PELI3: variants seen among roughly 807,000 people sequenced by gnomAD.
PELI3 encodes the protein pellino E3 ubiquitin protein ligase family member 3.
PELI3 carries 19 observed loss-of-function variants against 35.5 expected under a neutral mutation model. The ratio of observed to expected loss-of-function variants is 0.54; its 90% CI spans 0.37 to 0.79. PELI3 has a LOEUF of 0.79. Among genes scored for constraint, PELI3 ranks in the 30% least tolerant of loss-of-function variants. The pLI is 0.00. For missense variants in PELI3, 490 were observed against 661.2 expected (o/e 0.74, Z 2.84); for synonymous variants, 262 against 279.2 (o/e 0.94, Z 0.62).
chr11:66,471,942 C>T (rs1192518549), intron 4 of PELI3, among the ~76,000 whole-genome samples: 1 of 152,196 alleles, frequency 6.6e-6, no homozygotes, highest in African/African-American at 2.4e-5. Context: ...TCACTGCAAG[C>T]TCTGCCTCCC....
chr11:66,469,439 A>G (rs1487179797), intron 3 of PELI3, among the ~76,000 whole-genome samples: 2 of 152,224 alleles, frequency 1.3e-5, no homozygotes, highest in African/African-American at 4.8e-5. Context: ...GATTTAAGCC[A>G]GGCCCATCTG....
chr11:66,476,353 C>G lies in PELI3; in HGVS notation c.*186C>G. On this transcript the variant is annotated 3_prime_UTR_variant, in exon 8 of 8. Coordinates refer to ENST00000320740, the MANE Select transcript of PELI3 (RefSeq NM_145065.3). ...AAGGAGGTCCCCAAGATCTCCACCC[C>G]AGTCATGCTGATGGGGCCTTCAGCA... 1.5e-6 allele frequency: 1 copy of G among 653,202 alleles called. No homozygotes were observed. Among genetic ancestry groups the G allele is most frequent in the Non-Finnish European group, 2.6e-6 (1 of 386,850 alleles). The allele number at this position is 653,202 out of a possible 1,614,324, so 40.5% of individuals were successfully genotyped here. A position where few individuals can be genotyped will look rare whatever the true frequency, so the allele number is the denominator to read the frequency against.
chr11:66,474,229 A>T (rs1217287240), intron 7 of PELI3: 3 of 590,352 alleles, frequency 5.1e-6, no homozygotes, highest in Non-Finnish European at 9.0e-6. Context: ...CTGGCAGCTT[A>T]AAAAAAATCA....
chr11:66,473,277 G>A lies in PELI3; in HGVS notation c.493G>A (p.Val165Ile), dbSNP rs765726987. ...RSTENMIDFV[V>I]TDTSPGGGAA... ...CACAGAGAACATGATTGACTTCGTG[G>A]TAACAGACACGTCCCCTGGAGGAGG... The change falls in exon 6 of 8, where the codon GTA becomes ATA. Residue 165 changes from valine (V) to isoleucine (I), a missense_variant. By Grantham distance (29) the Val-to-Ile change is conservative (BLOSUM62 3). Transcript: ENST00000320740. The surrounding 1 kb of genome is among the most constrained non-coding windows in gnomAD (Gnocchi z 5.8). The A allele has an allele frequency of 6.2e-7, 1 of 1,613,230 alleles. No individual in the cohort carries two copies. Among genetic ancestry groups the A allele is most frequent in the Admixed American group, 1.7e-5 (1 of 59,968 alleles).
At chr11:66,472,571 T>A (rs1854761680) in intron 5 of PELI3, 101 bp downstream of exon 5, 2 of 944,944 alleles carry the variant, frequency 2.1e-6, no homozygotes, top group Admixed American at 4.0e-5. Flanking sequence ...GGAAAGCTGC[T>A]TCTCTCCAGA....
At position 66,476,211 on chromosome 11, in the gene PELI3, G is replaced by A. The variant is rs1437083478; in HGVS notation, c.*44G>A. The A allele has an allele frequency of 1.3e-6, 2 of 1,503,232 alleles. No individual in the cohort carries two copies. The highest frequency in any genetic ancestry group is 1.8e-6 in the Non-Finnish European group (2 of 1,125,636). 93.1% of individuals were successfully genotyped at this position (1,503,232 alleles called of 1,614,324 possible). ...CTGCTGTGCCCACCTGCCCACCCAG[G>A]TCCCCACCTCCTGCAGCCCAGAGGG... On this transcript the variant is annotated 3_prime_UTR_variant, in exon 8 of 8. Transcript: ENST00000320740.
Position 66,476,179 on chromosome 11 carries a change from C to G in PELI3, c.*12C>G, listed in dbSNP as rs1168273882. 1.3e-6 allele frequency: 2 copies of G among 1,532,678 alleles called. No individual in the cohort carries two copies. Among genetic ancestry groups the G allele is most frequent in the Admixed American group, 2.0e-5 (1 of 51,076 alleles). The allele number at this position is 1,532,678 out of a possible 1,614,324, so 94.9% of individuals were successfully genotyped here. On this transcript the variant is annotated 3_prime_UTR_variant, in exon 8 of 8. Coordinates refer to ENST00000320740, the MANE Select transcript of PELI3 (RefSeq NM_145065.3). ...GCCCGCTGGATTAGGCTCCCTGGGG[C>G]CCCCTGCTGCTGTGCCCACCTGCCC...
At chr11:66,470,410 C>G (rs893643906) in intron 3 of PELI3, among the ~76,000 whole-genome samples, 6 of 152,226 alleles carry the variant, frequency 3.9e-5, no homozygotes, top group African/African-American at 1.4e-4. Flanking sequence ...GACATTTTCA[C>G]CTACTAGCCA....
chr11:66,470,690 A>AT (rs1204596357), intron 3 of PELI3, among the ~76,000 whole-genome samples: 1 of 152,090 alleles, frequency 6.6e-6, no homozygotes, highest in Non-Finnish European at 1.5e-5. Context: ...ATTGTGTGTC[A>AT]TTTTTTCCTT....
chr11:66,468,653 T>C (rs1048282883), intron 2 of PELI3, among the ~76,000 whole-genome samples, 180 bp from the exon 3 acceptor site: 1 of 152,238 alleles, frequency 6.6e-6, no homozygotes, highest in Non-Finnish European at 1.5e-5. Context: ...GTGCCTCTGT[T>C]TCCCCTGTTT....
At chr11:66,468,082 C>G in intron 1 of PELI3, 46 bp from the exon 2 acceptor site, 1 of 1,534,752 alleles carries the variant, frequency 6.5e-7, no homozygotes, top group Non-Finnish European at 8.8e-7. Context: ...TTGAGCCGGG[C>G]TGGGGTGGGA....
At chr11:66,471,742 A>C (rs916844943) in intron 4 of PELI3, among the ~76,000 whole-genome samples, 4 of 152,086 alleles carry the variant, frequency 2.6e-5, no homozygotes, top group African/African-American at 7.2e-5. Context: ...ATAAAGGAAA[A>C]ACCTTTGACT....
At position 66,477,264 on chromosome 11, in the gene PELI3, C is replaced by T. The variant is rs889155533; in HGVS notation, c.*1097C>T. The T allele has an allele frequency of 6.6e-6, 1 of 152,196 alleles. No individual in the cohort carries two copies. Among genetic ancestry groups the T allele is most frequent in the Non-Finnish European group, 1.5e-5 (1 of 68,076 alleles). 9.4% of individuals were successfully genotyped at this position (152,196 alleles called of 1,614,324 possible). A position where few individuals can be genotyped will look rare whatever the true frequency, so the allele number is the denominator to read the frequency against. Reference sequence around the variant, plus strand: ...GGCTGTGACACAAGGGCCATCATCCCTGAATGCCCACCATGTGCCCCGCAC... The same window carrying T: ...GGCTGTGACACAAGGGCCATCATCCTTGAATGCCCACCATGTGCCCCGCAC... On this transcript the variant is annotated 3_prime_UTR_variant, in exon 8 of 8. Coordinates refer to ENST00000320740, the MANE Select transcript of PELI3 (RefSeq NM_145065.3).
Position 66,473,355 on chromosome 11 carries a change from A to AT in PELI3, c.572dup (p.Leu192ProfsTer3). 6.2e-7 allele frequency: 1 copy of AT among 1,613,518 alleles called. No homozygotes were observed. The highest frequency in any genetic ancestry group is 8.5e-7 in the Non-Finnish European group (1 of 1,179,990). ...CACCATCTCCCGCTATGCCTGCCGC[A>AT]TCCTCTGTGACCGCCGGCCACCCTA... On this transcript the variant is annotated frameshift_variant, in exon 6 of 8. Transcript: ENST00000320740. LOFTEE classifies it high-confidence loss of function. This position sits in a 1 kb window ranked among gnomAD's most constrained non-coding sequence, Gnocchi z 5.8.
At chr11:66,471,171 T>C in intron 3 of PELI3, 71 bp from the exon 4 acceptor site, 1 of 1,515,332 alleles carries the variant, frequency 6.6e-7, no homozygotes, top group South Asian at 1.2e-5. Flanking sequence ...CCAAGTCTCA[T>C]CAGGGGTTCA....
Position 66,476,318 on chromosome 11 carries a change from G to GA in PELI3, c.*151_*152insA. 1 of 866,096 alleles carries GA rather than the reference G, an allele frequency of 1.2e-6. No individual in the cohort carries two copies. Among genetic ancestry groups the GA allele is most frequent in the South Asian group, 1.9e-5 (1 of 54,024 alleles). The allele number at this position is 866,096 out of a possible 1,614,324, so 53.7% of individuals were successfully genotyped here. On this transcript the variant is annotated 3_prime_UTR_variant, in exon 8 of 8. Coordinates refer to ENST00000320740, the MANE Select transcript of PELI3 (RefSeq NM_145065.3). ...ATGGGCTGTGCCCTTCCCCCCAACT[G>GA]TGGCCCCCCAAGGAGGTCCCCAAGA...
chr11:66,476,799 T>C lies in PELI3; in HGVS notation c.*632T>C, dbSNP rs1486268075. On this transcript the variant is annotated 3_prime_UTR_variant, in exon 8 of 8. Coordinates refer to ENST00000320740, the MANE Select transcript of PELI3 (RefSeq NM_145065.3). ...TCCCCCCCTGGTGGAGTTCACAGTC[T>C]AGTGGAGGACAGACTGTTAACAAAT... is the stretch of plus-strand genomic sequence containing the variant. The C allele has an allele frequency of 6.5e-6, 1 of 152,790 alleles. No individual in the cohort carries two copies. Among genetic ancestry groups the C allele is most frequent in the African/African-American group, 2.4e-5 (1 of 41,458 alleles). 9.5% of individuals were successfully genotyped at this position (152,790 alleles called of 1,614,324 possible). A position where few individuals can be genotyped will look rare whatever the true frequency, so the allele number is the denominator to read the frequency against.
At chr11:66,470,636 G>A (rs932281560) in intron 3 of PELI3, among the ~76,000 whole-genome samples, 1 of 152,232 alleles carries the variant, frequency 6.6e-6, no homozygotes, top group African/African-American at 2.4e-5. Context: ...GAGCTGGAAA[G>A]GCAGGTGGAA....
Position 66,472,457 on chromosome 11 carries a change from C to T in PELI3, c.443C>T (p.Thr148Ile), listed in dbSNP as rs750033406. ...GTGGAGTATACACATGATAGCGACACAGACATGTTCCAGGTATGCTCAGGC... is the reference window on the plus strand; with the variant it reads ...GTGGAGTATACACATGATAGCGACATAGACATGTTCCAGGTATGCTCAGGC... ...VIVEYTHDSD[T>I]DMFQIGRSTE... Residue 148 changes from threonine (T) to isoleucine (I), a missense_variant, in exon 5 of 8, where the codon ACA becomes ATA. By Grantham distance (89) the Thr-to-Ile change is moderately conservative (BLOSUM62 -1). Coordinates refer to ENST00000320740, the MANE Select transcript of PELI3 (RefSeq NM_145065.3). The T allele has an allele frequency of 3.1e-6, 5 of 1,613,956 alleles. No individual in the cohort carries two copies. The South Asian group carries it at 4.4e-5, about 14-fold the overall frequency.
Sources: gnomAD v4.1 joint callset for allele counts (sites outside exome capture counted in the v4.1 genomes callset) on GRCh38, gnomAD v4.1.1 for gene constraint, Gnocchi (gnomAD v3.1) non-coding constraint, MANE v1.5 for transcripts, NCBI Gene and HGNC (gene_info 2026-07-23, HGNC 2026-07-21) for gene names.